Variants in TMC1 observed in about 807,000 individuals in gnomAD.
TMC1 encodes the protein transmembrane channel like 1.
A neutral mutation model predicts 105.8 loss-of-function variants in TMC1; 84 were observed. The observed-to-expected ratio is 0.79, with a 90% CI of 0.67 to 0.95. The LOEUF (loss-of-function observed/expected upper bound fraction) is 0.95, where lower values mean the gene tolerates loss of function less well. TMC1 is among the 40% of genes least tolerant of loss of function. TMC1 has a pLI of 0.00. For synonymous variants in TMC1, 315 were observed against 311.5 expected (o/e 1.01, Z -0.12); for missense variants, 817 against 914.1 (o/e 0.89, Z 1.37).
chr9:72,703,739 C>T (rs1259553813), intron 8 of TMC1, among the ~76,000 whole-genome samples: 1 of 152,094 alleles, frequency 6.6e-6, no homozygotes. Flanking sequence ...AATGGAAGCA[C>T]AAATTTAGTC....
chr9:72,774,129 A>G (rs933608706), intron 13 of TMC1, among the ~76,000 whole-genome samples: 5 of 152,220 alleles, frequency 3.3e-5, no homozygotes, highest in Admixed American at 2.6e-4. Flanking sequence ...GCCACATTAT[A>G]GATCCCCAAA....
chr9:72,605,523 C>G (rs1824897475), intron 2 of TMC1, among the ~76,000 whole-genome samples: 1 of 151,972 alleles, frequency 6.6e-6, no homozygotes, highest in African/African-American at 2.4e-5. Flanking sequence ...TGTGCACATG[C>G]ACTTCTGTGT....
intron 18 of TMC1, among the ~76,000 whole-genome samples, chr9:72,809,784 A>G (rs1032235263): frequency 6.6e-6 from 1 of 152,210 alleles, no homozygotes; most frequent in African/African-American, 2.4e-5. Context: ...CTGTATTCCC[A>G]CTAGGGAGAA....
At chr9:72,669,434 TTTAA>T (rs1231445686) in intron 5 of TMC1, among the ~76,000 whole-genome samples, 3 of 152,228 alleles carry the variant, frequency 2.0e-5, no homozygotes, top group Admixed American at 6.5e-5. Flanking sequence ...CATTTCAGCT[TTTAA>T]TTAATTTATT....
intron 6 of TMC1, among the ~76,000 whole-genome samples, chr9:72,693,049 G>C (rs968267106): frequency 6.6e-6 from 1 of 151,634 alleles, no homozygotes; most frequent in Non-Finnish European, 1.5e-5. Flanking sequence ...GAACTCTGGA[G>C]CTGGAGGTTG....
At chr9:72,658,537 C>A (rs1490416254) in intron 5 of TMC1, among the ~76,000 whole-genome samples, 1 of 152,168 alleles carries the variant, frequency 6.6e-6, no homozygotes, top group African/African-American at 2.4e-5. Flanking sequence ...ATTTTTAACT[C>A]TCTATCCTAG....
At chr9:72,684,733 A>G (rs531676826) in intron 5 of TMC1, among the ~76,000 whole-genome samples, 1 of 152,264 alleles carries the variant, frequency 6.6e-6, no homozygotes, top group East Asian at 1.9e-4. Context: ...CTGATCTTTA[A>G]CAGCTCCTAC....
chr9:72,755,906 G>C (rs991972950), intron 12 of TMC1, among the ~76,000 whole-genome samples: 1 of 152,238 alleles, frequency 6.6e-6, no homozygotes, highest in African/African-American at 2.4e-5. Context: ...TTTTCAGCCC[G>C]TAATCTAGTC....
In TMC1 at chr9:72,830,615, A is replaced by C; in HGVS notation, c.2209-16A>C. ...CTGAGAAATCTACTTTTTTCCCCTTATTTTTTATTGTGTAGCAAGCTTTGG... is the reference window on the plus strand; with the variant it reads ...CTGAGAAATCTACTTTTTTCCCCTTCTTTTTTATTGTGTAGCAAGCTTTGG... On this transcript the variant is annotated splice_polypyrimidine_tract_variant and intron_variant, in intron 22 of 23. Coordinates refer to ENST00000297784, the MANE Select transcript of TMC1 (RefSeq NM_138691.3). 1 of 1,613,148 alleles carries C rather than the reference A, an allele frequency of 6.2e-7. No individual in the cohort carries two copies. Among genetic ancestry groups the C allele is most frequent in the Non-Finnish European group, 8.5e-7 (1 of 1,179,480 alleles).
At chr9:72,640,274 C>T (rs1825604328) in intron 4 of TMC1, among the ~76,000 whole-genome samples, 1 of 152,168 alleles carries the variant, frequency 6.6e-6, no homozygotes, top group Non-Finnish European at 1.5e-5. Context: ...TTTTCTCCAA[C>T]TTAACATTTT....
In TMC1 at chr9:72,568,856, C is replaced by T. The variant is rs561184361; in HGVS notation, c.-427-9046C>T. On this transcript the variant is annotated intron_variant, in intron 1 of 23. Coordinates refer to ENST00000297784, the MANE Select transcript of TMC1 (RefSeq NM_138691.3). Reference sequence around the variant, plus strand: ...CAAAGGGAACAGAAGGGGACATTATCAGCAGATTAGACATTCCAAAAATTT... The same window carrying T: ...CAAAGGGAACAGAAGGGGACATTATTAGCAGATTAGACATTCCAAAAATTT... 7.9e-5 allele frequency among the ~76,000 whole-genome samples: 12 copies of T among 152,218 alleles called. No individual in the cohort carries two copies. In the East Asian group the frequency reaches 1.7e-3, roughly 22 times the overall value.
At chr9:72,783,446 G>A (rs1280517898) in intron 13 of TMC1, among the ~76,000 whole-genome samples, 1 of 152,136 alleles carries the variant, frequency 6.6e-6, no homozygotes, top group Non-Finnish European at 1.5e-5. Flanking sequence ...ACAGCAAAAA[G>A]ATGAAAGCCA....
intron 8 of TMC1, among the ~76,000 whole-genome samples, chr9:72,722,944 C>T (rs556491176): frequency 7.9e-5 from 12 of 152,254 alleles, no homozygotes; most frequent in Middle Eastern, 3.4e-3. Flanking sequence ...AAGTCAGCTT[C>T]GGTATCTCTT....
At chr9:72,775,979 A>G (rs945981540) in intron 13 of TMC1, among the ~76,000 whole-genome samples, 6 of 152,204 alleles carry the variant, frequency 3.9e-5, no homozygotes, top group African/African-American at 1.4e-4. Flanking sequence ...TTCATAAAGA[A>G]TCTTCCCCTA....
At chr9:72,664,228 T>C (rs553289021) in intron 5 of TMC1, among the ~76,000 whole-genome samples, 129 of 152,340 alleles carry the variant, frequency 8.5e-4, no homozygotes, top group Admixed American at 1.4e-3. Flanking sequence ...TATACCTAAT[T>C]GTGCTACATT....
intron 5 of TMC1, among the ~76,000 whole-genome samples, chr9:72,677,458 G>C (rs1287146702): frequency 1.3e-5 from 2 of 152,058 alleles, no homozygotes; most frequent in African/African-American, 2.4e-5. Context: ...GACACACCCA[G>C]AATAATCTTT....
chr9:72,612,727 G>C (rs1825053580), intron 2 of TMC1, among the ~76,000 whole-genome samples: 1 of 152,162 alleles, frequency 6.6e-6, no homozygotes, highest in Non-Finnish European at 1.5e-5. Flanking sequence ...TCTACTCTAT[G>C]AGAGTGGTTC....
chr9:72,524,205 A>G (rs1823363592), intron 1 of TMC1, among the ~76,000 whole-genome samples: 1 of 152,244 alleles, frequency 6.6e-6, no homozygotes, highest in Non-Finnish European at 1.5e-5. Flanking sequence ...GCACTTAAAA[A>G]GATGCATAGT....
chr9:72,561,506 T>G (rs2132079904), intron 1 of TMC1, among the ~76,000 whole-genome samples: 1 of 152,222 alleles, frequency 6.6e-6, no homozygotes, highest in South Asian at 2.1e-4. Context: ...GGCGCTTTGG[T>G]CTCACTATAA....
Sources: allele counts gnomAD v4.1 joint callset (sites outside exome capture counted in the v4.1 genomes callset), GRCh38; gene constraint gnomAD v4.1.1; transcripts MANE v1.5; gene names NCBI Gene and HGNC (gene_info 2026-07-23, HGNC 2026-07-21).